Variants in FLI1 observed in about 807,000 individuals in gnomAD.
FLI1 encodes Fli-1 proto-oncogene, ETS transcription factor, also known as Friend leukemia integration 1 transcription factor.
Under a neutral mutation model 53.1 loss-of-function variants are expected in FLI1, and 13 were observed. The observed-to-expected ratio is 0.24, with a 90% CI of 0.16 to 0.39. FLI1 has a LOEUF of 0.39. FLI1 is among the 10% of genes least tolerant of loss of function. The pLI, the probability that FLI1 is intolerant of heterozygous loss-of-function variation, is 1.00. For missense variants in FLI1, 424 were observed against 600.5 expected (o/e 0.71, Z 3.07); for synonymous variants, 244 against 236.7 (o/e 1.03, Z -0.28).
At chr11:128,749,882 C>A (rs1169206785) in intron 1 of FLI1, among the ~76,000 whole-genome samples, 1 of 152,184 alleles carries the variant, frequency 6.6e-6, no homozygotes. Flanking sequence ...AAAGGCTTGG[C>A]CTTGCTAACA....
At chr11:128,699,139 G>A (rs895287772) in intron 1 of FLI1, among the ~76,000 whole-genome samples, 2 of 152,190 alleles carry the variant, frequency 1.3e-5, no homozygotes, top group Non-Finnish European at 2.9e-5. Context: ...ATCAGACTGT[G>A]TCATAAGTAG....
chr11:128,691,076 A>T (rs1169769537), upstream of FLI1, among the ~76,000 whole-genome samples: 1 of 152,196 alleles, frequency 6.6e-6, no homozygotes, highest in Non-Finnish European at 1.5e-5. Flanking sequence ...GGTCTGCCCC[A>T]CTAACACAAG....
In FLI1 at chr11:128,758,346, G is replaced by T; in HGVS notation, c.230+20G>T. The T allele has an allele frequency of 6.2e-7, 1 of 1,603,470 alleles. No homozygotes were observed. Among genetic ancestry groups the T allele is most frequent in the Middle Eastern group, 1.7e-4 (1 of 6,054 alleles). Reference sequence around the variant, plus strand: ...ATCCAGGTAAGCTCACCAGGCCTGTGCAGGATTGGGGGAAGGCACAAAGTC... The same window carrying T: ...ATCCAGGTAAGCTCACCAGGCCTGTTCAGGATTGGGGGAAGGCACAAAGTC... On this transcript the variant is annotated intron_variant, in intron 2 of 8. Coordinates refer to ENST00000527786, the MANE Select transcript of FLI1 (RefSeq NM_002017.5).
At chr11:128,717,882 A>G (rs1237935306) in intron 1 of FLI1, among the ~76,000 whole-genome samples, 1 of 152,246 alleles carries the variant, frequency 6.6e-6, no homozygotes, top group African/African-American at 2.4e-5. Context: ...AATGAGTTCT[A>G]GTCCCTGAAT....
intron 1 of FLI1, among the ~76,000 whole-genome samples, chr11:128,699,609 T>C (rs570375000): frequency 5.3e-5 from 8 of 152,366 alleles, no homozygotes; most frequent in African/African-American, 1.9e-4. Flanking sequence ...AATGATTTCA[T>C]ATCTATAGCG....
intron 5 of FLI1, among the ~76,000 whole-genome samples, chr11:128,802,483 G>A (rs1181646540): frequency 2.6e-5 from 4 of 152,236 alleles, no homozygotes; most frequent in African/African-American, 9.6e-5. Flanking sequence ...GACGTTGGAT[G>A]AAGACACCAG....
At position 128,810,696 on chromosome 11, in the gene FLI1, A is replaced by T; in HGVS notation, c.1067A>T (p.Tyr356Phe). Residue 356 changes from tyrosine to phenylalanine, a missense_variant, in exon 9 of 9, where the codon TAT (tyrosine) becomes TTT (phenylalanine). Transcript: ENST00000527786. This position sits in a 1 kb window ranked among gnomAD's most constrained non-coding sequence, Gnocchi z 6.6. ...NIMTKVHGKR[Y>F]AYKFDFHGIA... is the part of the protein sequence containing the mutation. ...ATGACCAAAGTGCACGGCAAAAGATATGCTTACAAATTTGACTTCCACGGC... is the reference window on the plus strand; with the variant it reads ...ATGACCAAAGTGCACGGCAAAAGATTTGCTTACAAATTTGACTTCCACGGC... 1 of 1,614,078 alleles carries T rather than the reference A, an allele frequency of 6.2e-7. No homozygotes were observed. Among genetic ancestry groups the T allele is most frequent in the Non-Finnish European group, 8.5e-7 (1 of 1,179,900 alleles).
Position 128,768,201 on chromosome 11 carries a change from A to G in FLI1, c.314A>G (p.Tyr105Cys). ...TCCAACCCCATGAACTACAACAGCT[A>G]TATGGACGAGAAGAATGGCCCCCCT... ...GESNPMNYNS[Y>C]MDEKNGPPPP... Residue 105 changes from tyrosine to cysteine, a missense_variant, in exon 3 of 9, where the codon TAT becomes TGT. Transcript: ENST00000527786. 3 of 1,613,938 alleles carry G rather than the reference A, an allele frequency of 1.9e-6. No homozygotes were observed. Among genetic ancestry groups the G allele is most frequent in the Non-Finnish European group, 2.5e-6 (3 of 1,179,860 alleles).
At chr11:128,781,775 C>T (rs994937360) in intron 4 of FLI1, among the ~76,000 whole-genome samples, 183 bp from the exon 5 acceptor site, 1 of 152,184 alleles carries the variant, frequency 6.6e-6, no homozygotes, top group African/African-American at 2.4e-5. Flanking sequence ...AAAGCTATTA[C>T]AGGCCTGTAT....
At chr11:128,702,861 C>CAAAG (rs1938396829) in intron 1 of FLI1, among the ~76,000 whole-genome samples, 1 of 69,212 alleles carries the variant, frequency 1.4e-5, no homozygotes, top group Non-Finnish European at 2.7e-5. Flanking sequence ...GATTCTGTCT[C>CAAAG]AAAGAAAAAA....
upstream of FLI1, among the ~76,000 whole-genome samples, chr11:128,685,316 A>T (rs1264921745): frequency 1.3e-5 from 2 of 152,178 alleles, no homozygotes; most frequent in East Asian, 3.9e-4. Flanking sequence ...GAACTAACAC[A>T]TCCTGGAGCT....
At chr11:128,759,249 G>C (rs1941012374) in intron 2 of FLI1, among the ~76,000 whole-genome samples, 1 of 152,238 alleles carries the variant, frequency 6.6e-6, no homozygotes, top group African/African-American at 2.4e-5. Flanking sequence ...AAAAGCAACA[G>C]AGGGCCCTGA....
chr11:128,742,210 T>C (rs562618692), intron 1 of FLI1, among the ~76,000 whole-genome samples: 2 of 152,302 alleles, frequency 1.3e-5, no homozygotes, highest in South Asian at 2.1e-4. Context: ...GCCAGTTCCA[T>C]GGAGGAAAAG....
intron 1 of FLI1, among the ~76,000 whole-genome samples, chr11:128,741,988 T>G (rs568365830): frequency 6.6e-6 from 1 of 152,326 alleles, no homozygotes; most frequent in South Asian, 2.1e-4. Context: ...TTTGAGGACC[T>G]TATTGTTATT....
intron 4 of FLI1, among the ~76,000 whole-genome samples, chr11:128,775,170 G>A (rs1941693396): frequency 6.6e-6 from 1 of 152,130 alleles, no homozygotes; most frequent in Admixed American, 6.5e-5. Flanking sequence ...GTGGAGGATG[G>A]TGGCGAACAG....
intron 1 of FLI1, 89 bp from the exon 2 acceptor site, chr11:128,758,026 C>G: frequency 4.9e-6 from 6 of 1,213,102 alleles, no homozygotes; most frequent in Non-Finnish European, 7.0e-6. Context: ...TGGGGCAGCC[C>G]TGGGCCACCT....
intron 5 of FLI1, among the ~76,000 whole-genome samples, chr11:128,802,670 G>C (rs1033743921): frequency 1.3e-5 from 2 of 152,236 alleles, no homozygotes; most frequent in Non-Finnish European, 2.9e-5. Context: ...CATCAGATGG[G>C]CCTGTGGGCA....
intron 4 of FLI1, among the ~76,000 whole-genome samples, chr11:128,780,844 C>T (rs1322391965): frequency 6.6e-6 from 1 of 152,148 alleles, no homozygotes; most frequent in East Asian, 1.9e-4. Flanking sequence ...TTCTTAGCCT[C>T]GAATACATGT....
chr11:128,784,768 A>G (rs1198701744), intron 5 of FLI1, among the ~76,000 whole-genome samples: 1 of 152,230 alleles, frequency 6.6e-6, no homozygotes, highest in Non-Finnish European at 1.5e-5. Context: ...ATTAGCTATT[A>G]GAAGACATCA....
Sources: allele counts gnomAD v4.1 joint callset (sites outside exome capture counted in the v4.1 genomes callset), GRCh38; gene constraint gnomAD v4.1.1; non-coding constraint Gnocchi (gnomAD v3.1); transcripts MANE v1.5; gene names NCBI Gene and HGNC (gene_info 2026-07-23, HGNC 2026-07-21).